DGLUCY: variants seen among roughly 807,000 people sequenced by gnomAD.
DGLUCY encodes D-glutamate cyclase, also known as D-glutamate cyclase, mitochondrial.
DGLUCY carries 58 observed loss-of-function variants against 58.5 expected under a neutral mutation model. The ratio of observed to expected loss-of-function variants is 0.99; its 90% confidence interval spans 0.80 to 1.23. The LOEUF (loss-of-function observed/expected upper bound fraction) is 1.23. DGLUCY is among the 50% of genes most tolerant of loss of function. DGLUCY has a pLI of 0.00. For synonymous variants in DGLUCY, 325 were observed against 314.1 expected, an observed-to-expected ratio of 1.03 and a Z score of -0.37; for missense variants, 779 against 784.7, an observed-to-expected ratio of 0.99 and a Z score of 0.09.
intron 1 of DGLUCY, among the ~76,000 whole-genome samples, chr14:91,087,219 C>A (rs1043082738): frequency 6.6e-6 from 1 of 152,168 alleles, no homozygotes; most frequent in African/African-American, 2.4e-5. Flanking sequence ...TGCCTAGAAT[C>A]GAATCAGACA....
intron 1 of DGLUCY, among the ~76,000 whole-genome samples, chr14:91,157,199 ATGGATGAATGAATGGG>A (rs2047696424): frequency 1.3e-5 from 2 of 150,194 alleles, no homozygotes; most frequent in Admixed American, 1.3e-4. Flanking sequence ...GGATAGATGG[ATGGATGAATGAATGGG>A]TGGATGGATG....
intron 1 of DGLUCY, among the ~76,000 whole-genome samples, chr14:91,082,812 G>GGTATT (rs1335341704): frequency 6.6e-6 from 1 of 152,116 alleles, no homozygotes; most frequent in Non-Finnish European, 1.5e-5. Flanking sequence ...GGAGTACAGT[G>GGTATT]GTATGATCAC....
intron 1 of DGLUCY, among the ~76,000 whole-genome samples, chr14:91,155,238 GAC>G: frequency 6.6e-6 from 1 of 152,324 alleles, no homozygotes; most frequent in South Asian, 2.1e-4. Context: ...TGTGGGCTGT[GAC>G]TGTCTTATTC....
At chr14:91,130,393 C>T (rs1000366779) in intron 1 of DGLUCY, among the ~76,000 whole-genome samples, 8 of 151,296 alleles carry the variant, frequency 5.3e-5, no homozygotes, top group East Asian at 1.9e-4. Flanking sequence ...CTGCAACCTC[C>T]GCCTCCTGGG....
At chr14:91,193,894 C>A (rs1000198328) in intron 9 of DGLUCY, among the ~76,000 whole-genome samples, 2 of 150,842 alleles carry the variant, frequency 1.3e-5, no homozygotes, top group Non-Finnish European at 1.5e-5. Context: ...ATTGTCATTT[C>A]TTTCCTGTCT....
chr14:91,181,502 A>C (rs536700322), intron 8 of DGLUCY, 113 bp downstream of exon 8: 2 of 1,071,204 alleles, frequency 1.9e-6, no homozygotes, highest in Admixed American at 2.4e-5. Flanking sequence ...TATCCACAGG[A>C]TGATTTTTTA....
intron 13 of DGLUCY, among the ~76,000 whole-genome samples, chr14:91,218,069 C>T (rs1388869144): frequency 3.3e-5 from 5 of 152,192 alleles, no homozygotes; most frequent in African/African-American, 4.8e-5. Context: ...TTCCCAATTC[C>T]GCTCAGAAGT....
At chr14:91,199,720 T>C (rs2050436139) in intron 10 of DGLUCY, 37 bp from the exon 11 acceptor site, 4 of 1,611,390 alleles carry the variant, frequency 2.5e-6, no homozygotes, top group Non-Finnish European at 3.4e-6. Context: ...CACCTCTCCA[T>C]AGGACCCTCT....
intron 1 of DGLUCY, among the ~76,000 whole-genome samples, chr14:91,069,443 A>AT (rs1051204946): frequency 6.7e-5 from 10 of 150,090 alleles, no homozygotes; most frequent in African/African-American, 2.0e-4. Flanking sequence ...GCCCAGCTAA[A>AT]TTTTTTTTGT....
intron 12 of DGLUCY, among the ~76,000 whole-genome samples, chr14:91,208,940 A>G (rs57592410): frequency 0.23 from 35,460 of 152,176 alleles, 4,455 homozygotes; most frequent in African/African-American, 0.27. Flanking sequence ...TAAAAGTAGA[A>G]TTTACATGCT....
intron 1 of DGLUCY, among the ~76,000 whole-genome samples, chr14:91,080,189 C>T (rs2140045099): frequency 6.6e-6 from 1 of 152,226 alleles, no homozygotes; most frequent in Admixed American, 6.5e-5. Context: ...GTCTATTCAT[C>T]TGTGGATGGA....
chr14:91,218,547 C>T lies in DGLUCY; in HGVS notation c.1716+2991C>T, dbSNP rs566419301. Among the ~76,000 whole-genome samples, 111 of 151,954 alleles carry T rather than the reference C, an allele frequency of 7.3e-4. 1 individual carries two copies. The highest frequency in any genetic ancestry group is 3.4e-3 in the Middle Eastern group (1 of 292). ...CCTGCCAAGTAGCTGGGATTACAGG[C>T]GCGCACCACCACACCCGGCTAATTT... On this transcript the variant is annotated intron_variant, in intron 13 of 13. Transcript: ENST00000256324.
In DGLUCY at chr14:91,122,468, A is replaced by AT. The variant is rs563992491; in HGVS notation, c.-82+8193dup. On this transcript the variant is annotated intron_variant, in intron 1 of 13. Coordinates refer to ENST00000256324, the MANE Select transcript of DGLUCY (RefSeq NM_001102368.3). ...GTACCTTTAAAAGAAAAAAAGAAAG[A>AT]TTTTTTTTATTTTAAATTAAAAATT... Among the ~76,000 whole-genome samples the AT allele has an allele frequency of 1.7e-3, 260 of 151,956 alleles. 1 individual carries two copies. In the Middle Eastern group the frequency reaches 0.02, roughly 12 times the overall value.
rs201093431 is a variant in DGLUCY, at chr14:91,204,843, C to T, written c.1564+18C>T. ...CATTGCTGGTGAGCACTCGGATGGC[C>T]GCCCAGTCCGGCCGGCTACCCAGGG... On this transcript the variant is annotated intron_variant, in intron 12 of 13. Transcript: ENST00000256324. 2.5e-5 allele frequency: 40 copies of T among 1,613,566 alleles called. No individual in the cohort carries two copies. The highest frequency in any genetic ancestry group is 1.6e-4 in the Middle Eastern group (1 of 6,076).
At position 91,189,314 on chromosome 14, in the gene DGLUCY, C is replaced by G. The variant is rs150776931; in HGVS notation, c.1195+144C>G. 2,590 of 1,150,748 alleles carry G rather than the reference C, an allele frequency of 2.3e-3. 9 individuals are homozygous for G. Among genetic ancestry groups the G allele is most frequent in the Non-Finnish European group, 2.6e-3 (2,157 of 822,242 alleles). 71.3% of individuals were successfully genotyped at this position (1,150,748 alleles called of 1,614,324 possible). On this transcript the variant is annotated intron_variant, in intron 9 of 13. Transcript: ENST00000256324. ...AAGCTGCATAGCTTGATTTCATAGA[C>G]GAAGAGACTGAGGCTCTGAGAGATC...
intron 4 of DGLUCY, chr14:91,167,601 A>G: frequency 1.4e-6 from 1 of 725,326 alleles, no homozygotes. Context: ...CTTTGAGATC[A>G]TGGAGAAAGT....
chr14:91,070,343 A>G (rs1301614069), intron 1 of DGLUCY, among the ~76,000 whole-genome samples: 2 of 152,160 alleles, frequency 1.3e-5, no homozygotes, highest in Non-Finnish European at 2.9e-5. Context: ...ACCTCCTGAG[A>G]GCCAAAACCT....
At chr14:91,150,781 A>AT (rs1389749636) in intron 1 of DGLUCY, among the ~76,000 whole-genome samples, 2 of 152,140 alleles carry the variant, frequency 1.3e-5, no homozygotes, top group African/African-American at 2.4e-5. Context: ...TTAATTTAAA[A>AT]TTTTTATTAT....
intron 1 of DGLUCY, among the ~76,000 whole-genome samples, chr14:91,122,458 A>G (rs2045426018): frequency 6.6e-6 from 1 of 152,048 alleles, no homozygotes; most frequent in Non-Finnish European, 1.5e-5. Context: ...TTTAAAAGAA[A>G]AAAAGAAAGA....
Sources: gnomAD v4.1 joint callset for allele counts (sites outside exome capture counted in the v4.1 genomes callset) on GRCh38, gnomAD v4.1.1 for gene constraint, MANE v1.5 for transcripts, NCBI Gene and HGNC (gene_info 2026-07-23, HGNC 2026-07-21) for gene names.